The following UBE2E2 variants were observed in gnomAD, a reference collection of about 807,000 sequenced individuals.
UBE2E2 encodes the protein ubiquitin conjugating enzyme E2 E2, also known as ubiquitin-conjugating enzyme E2 E2.
In UBE2E2, 6 loss-of-function variants were observed where a neutral mutation model predicts 24.7. That is an observed-to-expected ratio of 0.24 (90% confidence interval 0.13 to 0.48). UBE2E2 has a LOEUF of 0.48. UBE2E2 is among the 20% of genes least tolerant of loss of function. The probability of loss-of-function intolerance (pLI) is 0.99; values close to 1 mark genes in which losing one functional copy is unlikely to be tolerated. For missense variants in UBE2E2, 169 were observed against 245.0 expected (o/e 0.69, Z 2.07); for synonymous variants, 104 against 83.6 (o/e 1.24, Z -1.33).
intron 4 of UBE2E2, among the ~76,000 whole-genome samples, chr3:23,518,278 A>G (rs946155194): frequency 4.6e-5 from 7 of 152,210 alleles, no homozygotes; most frequent in Non-Finnish European, 8.8e-5. Context: ...CAAGTGGGGA[A>G]TAGAGAAGAA....
At chr3:23,345,298 G>A (rs1402323217) in intron 3 of UBE2E2, among the ~76,000 whole-genome samples, 1 of 152,052 alleles carries the variant, frequency 6.6e-6, no homozygotes, top group Non-Finnish European at 1.5e-5. Flanking sequence ...TCTTTATTTG[G>A]ACACCTGGTA....
intron 3 of UBE2E2, among the ~76,000 whole-genome samples, chr3:23,304,038 G>T (rs1434413348): frequency 1.3e-5 from 2 of 152,220 alleles, no homozygotes; most frequent in Non-Finnish European, 2.9e-5. Context: ...GTCCACGACT[G>T]TTGGGTAATT....
At chr3:23,528,754 G>C (rs574428804) in intron 4 of UBE2E2, among the ~76,000 whole-genome samples, 1 of 152,236 alleles carries the variant, frequency 6.6e-6, no homozygotes, top group Admixed American at 6.5e-5. Flanking sequence ...AGGTTAACTG[G>C]CAGAGTGAGC....
intron 5 of UBE2E2, among the ~76,000 whole-genome samples, chr3:23,552,424 G>A (rs1395574919): frequency 6.6e-6 from 1 of 152,210 alleles, no homozygotes; most frequent in African/African-American, 2.4e-5. Context: ...AGGGGACTGA[G>A]GGTGTTGAGT....
chr3:23,442,869 A>G (rs998857275), intron 3 of UBE2E2, among the ~76,000 whole-genome samples: 3 of 152,226 alleles, frequency 2.0e-5, no homozygotes, highest in Admixed American at 2.0e-4. Flanking sequence ...AACTTCCTCC[A>G]TCACTACTTT....
intron 3 of UBE2E2, among the ~76,000 whole-genome samples, chr3:23,289,489 G>A (rs866673552): frequency 6.6e-6 from 1 of 152,126 alleles, no homozygotes; most frequent in African/African-American, 2.4e-5. Flanking sequence ...GACACTTTGC[G>A]ACTTCTAGAT....
intron 5 of UBE2E2, among the ~76,000 whole-genome samples, chr3:23,554,665 C>G (rs555297874): frequency 6.6e-6 from 1 of 152,236 alleles, no homozygotes; most frequent in East Asian, 1.9e-4. Context: ...TTAGCCTTGG[C>G]AATGATTTCT....
intron 3 of UBE2E2, among the ~76,000 whole-genome samples, chr3:23,493,689 G>A (rs139858950): frequency 5.7e-4 from 87 of 152,254 alleles, no homozygotes; most frequent in Non-Finnish European, 8.1e-4. Context: ...CCTAAGAGTG[G>A]CAGCAGTGGA....
chr3:23,280,063 G>A lies in UBE2E2; in HGVS notation c.227+62751G>A, dbSNP rs546307945. Among the ~76,000 whole-genome samples the A allele has an allele frequency of 2.6e-4, 39 of 152,196 alleles. No homozygotes were observed. Among genetic ancestry groups the A allele is most frequent in the Non-Finnish European group, 4.6e-4 (31 of 68,030 alleles). Reference sequence around the variant, plus strand: ...GCCATACATTCAAATAAGCATGGGAGAGAAAACACATTTGACTTATTACCA... The same window carrying A: ...GCCATACATTCAAATAAGCATGGGAAAGAAAACACATTTGACTTATTACCA... On this transcript the variant is annotated intron_variant, in intron 3 of 5. Coordinates refer to ENST00000396703, the MANE Select transcript of UBE2E2 (RefSeq NM_152653.4). The surrounding 1 kb of genome is among the most constrained non-coding windows in gnomAD (Gnocchi z 4.3).
intron 5 of UBE2E2, among the ~76,000 whole-genome samples, chr3:23,568,628 TA>T (rs1696140284): frequency 6.8e-6 from 1 of 147,858 alleles, no homozygotes; most frequent in African/African-American, 2.5e-5. Context: ...CACATATATA[TA>T]TGTATACATA....
intron 3 of UBE2E2, among the ~76,000 whole-genome samples, chr3:23,318,408 T>C (rs1486486164): frequency 6.6e-6 from 1 of 152,216 alleles, no homozygotes; most frequent in Non-Finnish European, 1.5e-5. Flanking sequence ...TTAAGAAATA[T>C]ATTCATCAAT....
rs570924627 is a variant in UBE2E2, at chr3:23,397,763, T to C, written c.228-101845T>C. Among the ~76,000 whole-genome samples, 41 of 152,370 alleles carry C rather than the reference T, an allele frequency of 2.7e-4. No individual in the cohort carries two copies. In the East Asian group the frequency reaches 7.3e-3, roughly 27 times the overall value. The stretch of plus-strand genomic sequence containing the variant: ...TTTATAACTATAGCACATTTATCTA[T>C]TTCACTGTTGGTGAACATTTTAATA... On this transcript the variant is annotated intron_variant, in intron 3 of 5. Transcript: ENST00000396703.
chr3:23,366,610 C>T (rs1696263120), intron 3 of UBE2E2, among the ~76,000 whole-genome samples: 1 of 152,046 alleles, frequency 6.6e-6, no homozygotes, highest in South Asian at 2.1e-4. Context: ...ACACCAGAGC[C>T]TCCTAGGGTG....
At chr3:23,346,695 A>G (rs556835536) in intron 3 of UBE2E2, among the ~76,000 whole-genome samples, 20 of 152,326 alleles carry the variant, frequency 1.3e-4, no homozygotes, top group Middle Eastern at 3.4e-3. Flanking sequence ...TATTCATGCC[A>G]TTAGAAAAAT....
chr3:23,338,926 G>T (rs1695291942), intron 3 of UBE2E2, among the ~76,000 whole-genome samples: 1 of 152,076 alleles, frequency 6.6e-6, no homozygotes, highest in Admixed American at 6.6e-5. Flanking sequence ...ACAGTTAGTG[G>T]ACAATGTAAG....
At chr3:23,454,018 T>C (rs1698622714) in intron 3 of UBE2E2, among the ~76,000 whole-genome samples, 1 of 152,182 alleles carries the variant, frequency 6.6e-6, no homozygotes, top group African/African-American at 2.4e-5. Context: ...TTCTGAGATA[T>C]TTGCATATTG....
intron 3 of UBE2E2, chr3:23,449,873 AATG>A: frequency 5.1e-6 from 5 of 985,434 alleles, no homozygotes; most frequent in Non-Finnish European, 6.0e-6. Flanking sequence ...CCAGCCCTAT[AATG>A]GGGAAGGTCC....
intron 3 of UBE2E2, among the ~76,000 whole-genome samples, chr3:23,300,501 T>A (rs1699043554): frequency 1.3e-5 from 2 of 152,154 alleles, no homozygotes. Flanking sequence ...TCTCTCAGCA[T>A]TTGCTTGTCT....
chr3:23,360,765 G>A (rs1696091818), intron 3 of UBE2E2, among the ~76,000 whole-genome samples: 3 of 151,884 alleles, frequency 2.0e-5, no homozygotes, highest in Admixed American at 1.3e-4. Context: ...AAGAAGATGA[G>A]CCACTTTTGT....
Sources: gnomAD v4.1 joint callset for allele counts (sites outside exome capture counted in the v4.1 genomes callset) on GRCh38, gnomAD v4.1.1 for gene constraint, Gnocchi (gnomAD v3.1) non-coding constraint, MANE v1.5 for transcripts, NCBI Gene and HGNC (gene_info 2026-07-23, HGNC 2026-07-21) for gene names.